Variants in GPC5 observed in about 807,000 individuals in gnomAD.
The protein encoded by GPC5 is glypican 5, also known as glypican-5.
In GPC5, 47 loss-of-function variants were observed where a neutral mutation model predicts 53.9. The observed-to-expected ratio is 0.87, with a 90% CI of 0.69 to 1.11. The LOEUF (loss-of-function observed/expected upper bound fraction) is 1.11, where lower values mean the gene tolerates loss of function less well. Among genes scored for constraint, GPC5 ranks in the 50% most tolerant of loss-of-function variants. The pLI is 0.00. For missense variants in GPC5, 748 were observed against 713.1 expected, an observed-to-expected ratio of 1.05 and a Z score of -0.56; for synonymous variants, 286 against 263.3, an observed-to-expected ratio of 1.09 and a Z score of -0.84.
At chr13:92,695,100 A>T (rs564247939) in intron 7 of GPC5, among the ~76,000 whole-genome samples, 23 of 152,318 alleles carry the variant, frequency 1.5e-4, no homozygotes, top group African/African-American at 5.5e-4. Flanking sequence ...AGCCATGCAG[A>T]ACTGTGAGTC....
At chr13:92,027,374 A>T (rs1158066406) in intron 6 of GPC5, among the ~76,000 whole-genome samples, 1 of 152,088 alleles carries the variant, frequency 6.6e-6, no homozygotes, top group African/African-American at 2.4e-5. Flanking sequence ...AACAAAACCA[A>T]TTTTTTTCTC....
At chr13:92,571,518 A>T (rs1883021510) in intron 7 of GPC5, among the ~76,000 whole-genome samples, 1 of 152,190 alleles carries the variant, frequency 6.6e-6, no homozygotes, top group Non-Finnish European at 1.5e-5. Context: ...GATTTCATAT[A>T]AATATGAAAC....
At chr13:91,914,674 G>GTATAAGATATATCTTATT (rs771735864) in intron 6 of GPC5, among the ~76,000 whole-genome samples, 2 of 148,856 alleles carry the variant, frequency 1.3e-5, no homozygotes, top group Non-Finnish European at 3.0e-5. Context: ...TTAGGATACC[G>GTATAAGATATATCTTATT]ATATAATAAA....
chr13:92,027,099 T>G, intron 6 of GPC5, among the ~76,000 whole-genome samples: 1 of 152,194 alleles, frequency 6.6e-6, no homozygotes, highest in East Asian at 1.9e-4. Context: ...TTTGTTGAAA[T>G]CATAAAAGAT....
chr13:91,470,447 G>A (rs1011156959), intron 2 of GPC5, among the ~76,000 whole-genome samples: 3 of 152,182 alleles, frequency 2.0e-5, no homozygotes, highest in African/African-American at 7.2e-5. Flanking sequence ...AAAATTGGAA[G>A]TGGGAAGCGA....
intron 6 of GPC5, among the ~76,000 whole-genome samples, chr13:91,938,728 C>T (rs2039894750): frequency 6.6e-6 from 1 of 152,120 alleles, no homozygotes; most frequent in African/African-American, 2.4e-5. Context: ...CCTTATGAAA[C>T]TTGCCTCCTA....
chr13:92,069,774 A>G (rs2138863650), intron 6 of GPC5, among the ~76,000 whole-genome samples: 1 of 152,326 alleles, frequency 6.6e-6, no homozygotes, highest in African/African-American at 2.4e-5. Context: ...AAATCTGGAT[A>G]GAATTCCCAT....
chr13:92,258,491 C>T (rs1162155105), intron 7 of GPC5, among the ~76,000 whole-genome samples: 1 of 152,112 alleles, frequency 6.6e-6, no homozygotes, highest in Non-Finnish European at 1.5e-5. Context: ...GTATTCTAGT[C>T]AGTGTGTTAA....
At chr13:91,971,849 G>T (rs1208751539) in intron 6 of GPC5, among the ~76,000 whole-genome samples, 5 of 152,090 alleles carry the variant, frequency 3.3e-5, no homozygotes, top group African/African-American at 1.2e-4. Context: ...TATCATTTCT[G>T]TTCTTTTACA....
intron 5 of GPC5, among the ~76,000 whole-genome samples, chr13:91,826,370 T>C: frequency 6.6e-6 from 1 of 152,050 alleles, no homozygotes; most frequent in South Asian, 2.1e-4. Flanking sequence ...AATGGAAATT[T>C]GAAGTACAGT....
chr13:92,573,225 A>G (rs1489834630), intron 7 of GPC5, among the ~76,000 whole-genome samples: 3 of 152,202 alleles, frequency 2.0e-5, no homozygotes, highest in African/African-American at 7.2e-5. Context: ...AATAAAATGT[A>G]TGTGTCAGTT....
chr13:92,486,695 T>C (rs71427577), intron 7 of GPC5, among the ~76,000 whole-genome samples: 1 of 152,238 alleles, frequency 6.6e-6, no homozygotes, highest in Non-Finnish European at 1.5e-5. Flanking sequence ...ATTCCTAATA[T>C]GAATCGTGCT....
chr13:92,108,543 A>G (rs2041527849), intron 6 of GPC5, among the ~76,000 whole-genome samples: 1 of 152,202 alleles, frequency 6.6e-6, no homozygotes, highest in South Asian at 2.1e-4. Flanking sequence ...AATATTCTAC[A>G]ATCACTGTCT....
At chr13:92,658,111 T>C (rs1439999814) in intron 7 of GPC5, among the ~76,000 whole-genome samples, 2 of 152,198 alleles carry the variant, frequency 1.3e-5, no homozygotes, top group Non-Finnish European at 2.9e-5. Flanking sequence ...TGTCACTGTC[T>C]TTCTTCTCTG....
At chr13:92,336,307 G>A (rs983551728) in intron 7 of GPC5, among the ~76,000 whole-genome samples, 10 of 152,228 alleles carry the variant, frequency 6.6e-5, no homozygotes, top group Non-Finnish European at 1.3e-4. Flanking sequence ...TTATCAGGTA[G>A]CTGATAATTT....
intron 6 of GPC5, among the ~76,000 whole-genome samples, chr13:92,076,211 G>A (rs2041250879): frequency 6.6e-6 from 1 of 151,888 alleles, no homozygotes; most frequent in Non-Finnish European, 1.5e-5. Flanking sequence ...TGGGACTACA[G>A]GCGCCCACCA....
chr13:92,204,395 T>C (rs1421790134), intron 7 of GPC5, among the ~76,000 whole-genome samples: 1 of 152,188 alleles, frequency 6.6e-6, no homozygotes, highest in African/African-American at 2.4e-5. Context: ...GTGGTAACAT[T>C]ACAAATATTG....
chr13:92,801,910 A>C (rs1029483047), intron 7 of GPC5, among the ~76,000 whole-genome samples: 2 of 151,892 alleles, frequency 1.3e-5, no homozygotes, highest in Admixed American at 6.6e-5. Context: ...AAAAACTTTA[A>C]ACAGGTATAA....
chr13:91,891,132 T>G (rs1777231887), intron 5 of GPC5, among the ~76,000 whole-genome samples: 1 of 152,162 alleles, frequency 6.6e-6, no homozygotes, highest in Admixed American at 6.6e-5. Context: ...GTATCTAATC[T>G]GGTCTATAGG....
Sources: allele counts gnomAD v4.1 joint callset (sites outside exome capture counted in the v4.1 genomes callset), GRCh38; gene constraint gnomAD v4.1.1; transcripts MANE v1.5; gene names NCBI Gene and HGNC (gene_info 2026-07-23, HGNC 2026-07-21).